CACNA2D1: variants seen among roughly 807,000 people sequenced by gnomAD.
CACNA2D1 encodes the protein voltage-dependent calcium channel subunit alpha-2/delta-1.
Under a neutral mutation model 171.5 loss-of-function variants are expected in CACNA2D1, and 53 were observed. The ratio of observed to expected loss-of-function variants is 0.31; its 90% CI spans 0.25 to 0.39. CACNA2D1 has a LOEUF of 0.39. CACNA2D1 is among the 10% of genes least tolerant of loss of function. CACNA2D1 has a pLI of 1.00. For missense variants in CACNA2D1, 903 were observed against 1,299.8 expected (o/e 0.69, Z 4.69); for synonymous variants, 442 against 443.1 (o/e 1.00, Z 0.03).
intron 24 of CACNA2D1, among the ~76,000 whole-genome samples, chr7:81,979,411 A>C (rs1392383839): frequency 6.6e-6 from 1 of 152,148 alleles, no homozygotes; most frequent in Non-Finnish European, 1.5e-5. Flanking sequence ...GAATTGAGAG[A>C]TATATCTATC....
chr7:82,384,347 A>C (rs965520649), intron 1 of CACNA2D1, among the ~76,000 whole-genome samples: 4 of 152,154 alleles, frequency 2.6e-5, no homozygotes, highest in African/African-American at 9.7e-5. Flanking sequence ...CTTTATAAGA[A>C]GAGAGAGAGA....
At chr7:81,962,963 A>AT (rs1794319355) in intron 34 of CACNA2D1, among the ~76,000 whole-genome samples, 1 of 152,054 alleles carries the variant, frequency 6.6e-6, no homozygotes, top group Non-Finnish European at 1.5e-5. Context: ...GTAAATATGT[A>AT]ATGTAACTTT....
chr7:82,079,949 A>ATG (rs776429735), intron 7 of CACNA2D1, among the ~76,000 whole-genome samples: 54 of 151,978 alleles, frequency 3.6e-4, no homozygotes, highest in Non-Finnish European at 6.2e-4. Context: ...ATTCTACAAT[A>ATG]TGTGTGTGTA....
intron 3 of CACNA2D1, among the ~76,000 whole-genome samples, chr7:82,170,812 A>T (rs753414697): frequency 2.4e-4 from 37 of 152,040 alleles, no homozygotes; most frequent in Non-Finnish European, 5.3e-4. Context: ...CAATATAAAT[A>T]ATATACTATT....
chr7:81,972,034 C>T (rs1214094215), intron 25 of CACNA2D1, among the ~76,000 whole-genome samples, 170 bp from the exon 26 acceptor site: 3 of 151,452 alleles, frequency 2.0e-5, no homozygotes, highest in Non-Finnish European at 4.4e-5. Context: ...TCTTGCCTCA[C>T]AGTTTTTCAG....
chr7:82,383,549 C>T (rs1823948889), intron 1 of CACNA2D1, among the ~76,000 whole-genome samples: 1 of 152,174 alleles, frequency 6.6e-6, no homozygotes, highest in South Asian at 2.1e-4. Flanking sequence ...TAAAAATGGA[C>T]AGTACCCTTG....
At chr7:82,011,663 C>A (rs1799792120) in intron 15 of CACNA2D1, among the ~76,000 whole-genome samples, 1 of 152,092 alleles carries the variant, frequency 6.6e-6, no homozygotes, top group African/African-American at 2.4e-5. Context: ...GTGATGATTT[C>A]AGTATAAGGT....
At chr7:82,081,780 G>A (rs1368242677) in intron 7 of CACNA2D1, among the ~76,000 whole-genome samples, 1 of 152,198 alleles carries the variant, frequency 6.6e-6, no homozygotes, top group African/African-American at 2.4e-5. Flanking sequence ...TACTGTGCCT[G>A]CTGGTCAGCA....
intron 38 of CACNA2D1, among the ~76,000 whole-genome samples, chr7:81,955,080 TAATA>T (rs1793065463): frequency 2.0e-5 from 3 of 152,210 alleles, no homozygotes; most frequent in South Asian, 2.1e-4. Context: ...CTTCTTTGAT[TAATA>T]AATGTTAGCT....
At position 82,267,679 on chromosome 7, in the gene CACNA2D1, G is replaced by A. The variant is rs115711295; in HGVS notation, c.294+67456C>T. ...GATTATCTTACTGAATTGAAGAAAC[G>A]AAAGCTTTTGAAAGCCCTTAAACCT... is the stretch of plus-strand genomic sequence containing the variant. On this transcript the variant is annotated intron_variant, in intron 3 of 38. Transcript: ENST00000356860. Among the ~76,000 whole-genome samples the A allele has an allele frequency of 8.2e-3, 1,252 of 152,012 alleles. 25 individuals carry two copies. The highest frequency in any genetic ancestry group is 0.029 in the African/African-American group (1,185 of 41,460).
intron 7 of CACNA2D1, among the ~76,000 whole-genome samples, chr7:82,081,848 G>GGTGGGAGGGGGTGTGTGAGCAA (rs575475115): frequency 0.017 from 2,543 of 152,228 alleles, 73 homozygotes; most frequent in African/African-American, 0.057. Flanking sequence ...CCCAGCCTCT[G>GGTGGGAGGGGGTGTGTGAGCAA]GTGGGAGGGG....
intron 3 of CACNA2D1, among the ~76,000 whole-genome samples, chr7:82,191,549 C>T (rs1040528186): frequency 6.6e-6 from 1 of 151,748 alleles, no homozygotes; most frequent in East Asian, 1.9e-4. Context: ...ACAATTACCC[C>T]GTGTAAAATC....
chr7:82,265,390 C>G (rs1010054851), intron 3 of CACNA2D1, among the ~76,000 whole-genome samples: 4 of 139,926 alleles, frequency 2.9e-5, no homozygotes, highest in African/African-American at 7.8e-5. Flanking sequence ...CAAATCTAAT[C>G]TATGCATATT....
intron 1 of CACNA2D1, among the ~76,000 whole-genome samples, chr7:82,439,269 T>C (rs1014073497): frequency 6.6e-6 from 1 of 152,088 alleles, no homozygotes; most frequent in African/African-American, 2.4e-5. Context: ...CTCCTATATA[T>C]ACTAAATTTT....
rs981033922 is a variant in CACNA2D1 at position 81,948,576 on chromosome 7, C to T, written c.*1816G>A. The T allele has an allele frequency of 1.3e-5, 2 of 151,626 alleles. No homozygotes were observed. Among genetic ancestry groups the T allele is most frequent in the East Asian group, 1.9e-4 (1 of 5,170 alleles). 9.4% of individuals were successfully genotyped at this position (151,626 alleles called of 1,614,324 possible). ...AAAACAAATGTTATCTTTTAAGCTA[C>T]GTTAAATTATTGGTTATATCTTTGA... is the stretch of plus-strand genomic sequence containing the variant. On this transcript the variant is annotated 3_prime_UTR_variant, in exon 39 of 39. Transcript: ENST00000356860.
intron 3 of CACNA2D1, among the ~76,000 whole-genome samples, chr7:82,327,433 AT>A (rs1399149523): frequency 6.6e-6 from 1 of 152,212 alleles, no homozygotes; most frequent in East Asian, 1.9e-4. Flanking sequence ...TATTAATCAT[AT>A]TTGAACACAA....
At chr7:82,337,109 T>G (rs1818092148) in intron 2 of CACNA2D1, among the ~76,000 whole-genome samples, 1 of 152,290 alleles carries the variant, frequency 6.6e-6, no homozygotes, top group East Asian at 1.9e-4. Flanking sequence ...TATAAATTTA[T>G]ATTCTCTCAA....
At chr7:82,337,878 T>C (rs934029868) in intron 2 of CACNA2D1, among the ~76,000 whole-genome samples, 1 of 152,166 alleles carries the variant, frequency 6.6e-6, no homozygotes, top group African/African-American at 2.4e-5. Flanking sequence ...ACAAAAAGAA[T>C]ACTTGTCACC....
intron 1 of CACNA2D1, among the ~76,000 whole-genome samples, chr7:82,394,531 T>C (rs1004265605): frequency 2.0e-5 from 3 of 152,186 alleles, no homozygotes; most frequent in Admixed American, 6.5e-5. Context: ...CAGTACAAGT[T>C]TGCTTCAAAG....
Sources: gnomAD v4.1 joint callset for allele counts (sites outside exome capture counted in the v4.1 genomes callset) on GRCh38, gnomAD v4.1.1 for gene constraint, MANE v1.5 for transcripts, NCBI Gene and HGNC (gene_info 2026-07-23, HGNC 2026-07-21) for gene names.